The following GRID1 variants were observed in gnomAD, a reference collection of about 807,000 sequenced individuals.
GRID1 encodes glutamate receptor ionotropic, delta-1.
Under a neutral mutation model 98.0 loss-of-function variants are expected in GRID1, and 28 were observed. The ratio of observed to expected loss-of-function variants is 0.29; its 90% CI spans 0.21 to 0.39. GRID1 has a LOEUF of 0.39. GRID1 is among the 10% of genes least tolerant of loss of function. The pLI, the probability that GRID1 is intolerant of heterozygous loss-of-function variation, is 1.00. For synonymous variants in GRID1, 553 were observed against 538.5 expected, an observed-to-expected ratio of 1.03 and a Z score of -0.37; for missense variants, 1,111 against 1,340.5, an observed-to-expected ratio of 0.83 and a Z score of 2.67.
chr10:85,923,185 C>T (rs1361805869), intron 4 of GRID1, among the ~76,000 whole-genome samples: 1 of 152,082 alleles, frequency 6.6e-6, no homozygotes, highest in African/African-American at 2.4e-5. Context: ...CTCGAGGATC[C>T]TTGAAGTCCA....
chr10:86,064,094 T>C (rs1194043831), intron 4 of GRID1, among the ~76,000 whole-genome samples: 1 of 152,252 alleles, frequency 6.6e-6, no homozygotes, highest in Non-Finnish European at 1.5e-5. Flanking sequence ...TGGCTGTTTA[T>C]ATATTTATGT....
In GRID1 at chr10:86,113,649, T is replaced by A. The variant is rs537657220; in HGVS notation, c.726+25170A>T. 3.2e-4 allele frequency among the ~76,000 whole-genome samples: 49 copies of A among 152,312 alleles called. No individual in the cohort carries two copies. The South Asian group carries it at 0.01, about 32-fold the overall frequency. On this transcript the variant is annotated intron_variant, in intron 4 of 15. Coordinates refer to ENST00000327946, the MANE Select transcript of GRID1 (RefSeq NM_017551.3). ...TGGTGGCCTCGCCTGGTTTACCCCC[T>A]GCCAGACCCCCACACCCTGCAGAGC...
intron 2 of GRID1, among the ~76,000 whole-genome samples, chr10:86,334,379 T>A (rs954760595): frequency 6.6e-6 from 1 of 152,084 alleles, no homozygotes; most frequent in Non-Finnish European, 1.5e-5. Context: ...GCACCATGCT[T>A]TCCTTCCAGG....
Position 85,869,193 on chromosome 10 carries a change from C to T in GRID1, c.781-13G>A. ...GGTCACTGATTTCCTAGAAAAATAA[C>T]CAGGCCCATGCTTACCATCCACTCA... On this transcript the variant is annotated splice_polypyrimidine_tract_variant and intron_variant, in intron 5 of 15. Coordinates refer to ENST00000327946, the MANE Select transcript of GRID1 (RefSeq NM_017551.3). The T allele has an allele frequency of 6.2e-7, 1 of 1,610,670 alleles. No individual in the cohort carries two copies. The highest frequency in any genetic ancestry group is 8.5e-7 in the Non-Finnish European group (1 of 1,176,886).
intron 8 of GRID1, among the ~76,000 whole-genome samples, chr10:85,829,651 C>T (rs1326975280): frequency 6.6e-6 from 1 of 152,096 alleles, no homozygotes; most frequent in Admixed American, 6.5e-5. Context: ...TTCTATACAA[C>T]AACAATGTCC....
intron 4 of GRID1, among the ~76,000 whole-genome samples, chr10:86,041,245 T>C (rs1843341527): frequency 6.6e-6 from 1 of 152,062 alleles, no homozygotes; most frequent in Admixed American, 6.5e-5. Flanking sequence ...AGGGTGTGAG[T>C]GGTTGGGCAG....
intron 4 of GRID1, among the ~76,000 whole-genome samples, chr10:85,978,209 C>T (rs1207363821): frequency 6.6e-6 from 1 of 152,196 alleles, no homozygotes; most frequent in Non-Finnish European, 1.5e-5. Flanking sequence ...AAGCCACATC[C>T]TTGGGGTTCA....
At chr10:86,278,838 CAT>C (rs940217882) in intron 2 of GRID1, among the ~76,000 whole-genome samples, 13 of 152,202 alleles carry the variant, frequency 8.5e-5, no homozygotes, top group Non-Finnish European at 1.6e-4. Flanking sequence ...AATTCTACCA[CAT>C]GTTTAAGAAA....
At chr10:85,930,364 A>G (rs1439677532) in intron 4 of GRID1, among the ~76,000 whole-genome samples, 1 of 150,440 alleles carries the variant, frequency 6.6e-6, no homozygotes, top group African/African-American at 2.4e-5. Flanking sequence ...AAATTGTTTT[A>G]TTTATATTTA....
chr10:86,191,086 G>A (rs1258971677), intron 3 of GRID1, among the ~76,000 whole-genome samples: 1 of 152,174 alleles, frequency 6.6e-6, no homozygotes, highest in African/African-American at 2.4e-5. Flanking sequence ...ATCTGCTCAG[G>A]CCTGTTACAT....
At chr10:86,304,617 C>T (rs1216568592) in intron 2 of GRID1, among the ~76,000 whole-genome samples, 1 of 152,226 alleles carries the variant, frequency 6.6e-6, no homozygotes, top group Non-Finnish European at 1.5e-5. Context: ...AGCTAACACA[C>T]TGGTAAGGTA....
chr10:85,974,666 G>A (rs957454875), intron 4 of GRID1, among the ~76,000 whole-genome samples: 4 of 152,198 alleles, frequency 2.6e-5, no homozygotes, highest in Admixed American at 2.6e-4. Flanking sequence ...TAATGAAATA[G>A]TGACCCTCTT....
At chr10:86,031,817 C>G (rs1040068383) in intron 4 of GRID1, among the ~76,000 whole-genome samples, 1 of 152,172 alleles carries the variant, frequency 6.6e-6, no homozygotes, top group Non-Finnish European at 1.5e-5. Flanking sequence ...TCCCACAAAG[C>G]CCTACCTGAC....
intron 8 of GRID1, among the ~76,000 whole-genome samples, chr10:85,838,234 T>C (rs765142739): frequency 1.3e-5 from 2 of 152,132 alleles, no homozygotes; most frequent in Non-Finnish European, 2.9e-5. Flanking sequence ...TTGGTAAATA[T>C]ATTCCAGGAT....
At chr10:85,755,088 C>T (rs952470911) in intron 8 of GRID1, among the ~76,000 whole-genome samples, 5 of 152,148 alleles carry the variant, frequency 3.3e-5, no homozygotes, top group Non-Finnish European at 7.4e-5. Context: ...TAGTTCCCCC[C>T]ACTATTCCTT....
intron 12 of GRID1, among the ~76,000 whole-genome samples, chr10:85,710,799 A>T (rs1159693391): frequency 1.3e-5 from 2 of 152,058 alleles, no homozygotes; most frequent in Non-Finnish European, 2.9e-5. Flanking sequence ...AAAATAGACA[A>T]AGAACTTGAA....
At chr10:86,155,393 T>C (rs1845230243) in intron 3 of GRID1, among the ~76,000 whole-genome samples, 1 of 152,210 alleles carries the variant, frequency 6.6e-6, no homozygotes, top group Admixed American at 6.5e-5. Context: ...TTAACCAACT[T>C]TGCAAGAGCA....
chr10:85,646,935 T>C, intron 13 of GRID1: 1 of 499,318 alleles, frequency 2.0e-6, no homozygotes, highest in South Asian at 2.4e-5. Flanking sequence ...CACCCTCCTA[T>C]GAGCCCATGA....
chr10:85,602,993 A>G (rs1438603035), intron 15 of GRID1, among the ~76,000 whole-genome samples: 1 of 152,198 alleles, frequency 6.6e-6, no homozygotes, highest in Non-Finnish European at 1.5e-5. Context: ...CATACCCAGA[A>G]CCAACCCTTA....
Sources: gnomAD v4.1 joint callset for allele counts (sites outside exome capture counted in the v4.1 genomes callset) on GRCh38, gnomAD v4.1.1 for gene constraint, MANE v1.5 for transcripts, NCBI Gene and HGNC (gene_info 2026-07-23, HGNC 2026-07-21) for gene names.